Variants in APBA2 observed in about 807,000 individuals in gnomAD.
The protein encoded by APBA2 is amyloid-beta A4 precursor protein-binding family A member 2.
Under a neutral mutation model 75.0 loss-of-function variants are expected in APBA2, and 30 were observed. The ratio of observed to expected loss-of-function variants is 0.40; its 90% confidence interval spans 0.30 to 0.54. The LOEUF (loss-of-function observed/expected upper bound fraction) is 0.54, where lower values mean the gene tolerates loss of function less well. APBA2 is among the 20% of genes least tolerant of loss of function. The probability of loss-of-function intolerance (pLI) is 0.49; values close to 1 mark genes in which losing one functional copy is unlikely to be tolerated. For synonymous variants in APBA2, 444 were observed against 409.6 expected, an observed-to-expected ratio of 1.08 and a Z score of -1.01; for missense variants, 801 against 1,016.1, an observed-to-expected ratio of 0.79 and a Z score of 2.88.
intron 3 of APBA2, among the ~76,000 whole-genome samples, chr15:29,032,388 A>G (rs1352236869): frequency 2.0e-5 from 3 of 152,234 alleles, no homozygotes; most frequent in Non-Finnish European, 2.9e-5. Flanking sequence ...CCGAAGGGGA[A>G]GGTCGGCCCC....
intron 14 of APBA2, among the ~76,000 whole-genome samples, chr15:29,115,085 G>A (rs1343929838): frequency 6.6e-6 from 1 of 151,984 alleles, no homozygotes; most frequent in Non-Finnish European, 1.5e-5. Flanking sequence ...GTGGCCGCAC[G>A]AGGCGGGAGG....
chr15:28,991,589 G>A lies in APBA2; in HGVS notation c.-94-4164G>A, dbSNP rs1028078781. ...ATTACAAGCTTTCCCTCATGAGATG[G>A]CGCTGATCAGTCTGGGGGATACCTG... On this transcript the variant is annotated intron_variant, in intron 2 of 14. Coordinates refer to ENST00000683413, the MANE Select transcript of APBA2 (RefSeq NM_001353788.2). This position sits in a 1 kb window ranked among gnomAD's most constrained non-coding sequence, Gnocchi z 4.7. Among the ~76,000 whole-genome samples the A allele has an allele frequency of 5.9e-5, 9 of 152,184 alleles. No homozygotes were observed. The highest frequency in any genetic ancestry group is 8.8e-5 in the Non-Finnish European group (6 of 68,036).
intron 1 of APBA2, among the ~76,000 whole-genome samples, chr15:28,905,094 G>A (rs1291893917): frequency 2.0e-5 from 3 of 152,190 alleles, no homozygotes; most frequent in Non-Finnish European, 4.4e-5. Flanking sequence ...CTGCACAGGT[G>A]CCTGGGAGTC....
intron 1 of APBA2, among the ~76,000 whole-genome samples, chr15:28,904,386 T>C (rs1285867846): frequency 6.6e-6 from 1 of 152,242 alleles, no homozygotes; most frequent in Non-Finnish European, 1.5e-5. Context: ...TAAATTTGTT[T>C]AGAATGTTTT....
At chr15:28,908,604 A>G (rs139924928) in intron 1 of APBA2, among the ~76,000 whole-genome samples, 7,581 of 151,934 alleles carry the variant, frequency 0.05, 660 homozygotes, top group African/African-American at 0.18. Flanking sequence ...CCACTGCACC[A>G]GGCCCACTGA....
chr15:29,106,470 G>A (rs1413723444), intron 11 of APBA2, 137 bp from the exon 12 acceptor site: 6 of 995,758 alleles, frequency 6.0e-6, no homozygotes, highest in Non-Finnish European at 9.1e-6. Context: ...ACCTCTCCTG[G>A]CTGAGATGAG....
intron 2 of APBA2, among the ~76,000 whole-genome samples, chr15:28,945,630 T>C (rs1231527440): frequency 6.6e-6 from 1 of 151,872 alleles, no homozygotes; most frequent in Non-Finnish European, 1.5e-5. Flanking sequence ...GCGATTCTCC[T>C]GCCTCAGCCT....
chr15:29,042,023 T>C (rs969051981), intron 3 of APBA2, among the ~76,000 whole-genome samples: 9 of 152,198 alleles, frequency 5.9e-5, no homozygotes, highest in African/African-American at 1.9e-4. Context: ...AAGTCCCAGA[T>C]TGAGGTGTCC....
intron 2 of APBA2, among the ~76,000 whole-genome samples, chr15:28,959,195 G>A (rs910357184): frequency 9.2e-5 from 14 of 152,128 alleles, no homozygotes; most frequent in African/African-American, 3.4e-4. Flanking sequence ...CACCATGTTG[G>A]CCAGGACGGT....
rs11639120 is a variant in APBA2, at chr15:29,011,926, C to T, written c.-41+16120C>T. On this transcript the variant is annotated intron_variant, in intron 3 of 14. Coordinates refer to ENST00000683413, the MANE Select transcript of APBA2 (RefSeq NM_001353788.2). ...TCTTTTCCATAAGAATGCTGCTTTT[C>T]GTAAAATCTAGTTTGTCTAATTACC... is the stretch of plus-strand genomic sequence containing the variant. Among the ~76,000 whole-genome samples the T allele has an allele frequency of 2.5e-3, 378 of 152,130 alleles. 1 individual carries two copies. Among genetic ancestry groups the T allele is most frequent in the Non-Finnish European group, 4.3e-3 (291 of 67,984 alleles).
At chr15:28,959,496 G>GT (rs984767728) in intron 2 of APBA2, among the ~76,000 whole-genome samples, 2 of 152,206 alleles carry the variant, frequency 1.3e-5, no homozygotes, top group African/African-American at 4.8e-5. Flanking sequence ...GGATGGCCGT[G>GT]TACATACATG....
intron 14 of APBA2, among the ~76,000 whole-genome samples, chr15:29,116,245 C>T (rs946238373): frequency 1.3e-5 from 2 of 152,122 alleles, no homozygotes; most frequent in Non-Finnish European, 2.9e-5. Context: ...TCACCGATCC[C>T]CAAAGGCTAA....
chr15:29,007,060 A>G (rs2152809294), intron 3 of APBA2, among the ~76,000 whole-genome samples: 1 of 152,362 alleles, frequency 6.6e-6, no homozygotes, highest in East Asian at 1.9e-4. Flanking sequence ...ATAAAGACAG[A>G]CATACAGACG....
At chr15:29,116,895 G>A (rs2152989930) in intron 14 of APBA2, among the ~76,000 whole-genome samples, 167 bp from the exon 15 acceptor site, 1 of 152,336 alleles carries the variant, frequency 6.6e-6, no homozygotes, top group African/African-American at 2.4e-5. Flanking sequence ...CATCTGGAAG[G>A]CATCATAAGT....
At chr15:29,103,910 C>T (rs1181584646) in intron 10 of APBA2, among the ~76,000 whole-genome samples, 1 of 152,210 alleles carries the variant, frequency 6.6e-6, no homozygotes, top group Non-Finnish European at 1.5e-5. Flanking sequence ...ACTCCGCAGG[C>T]CAGCCCGGCG....
intron 3 of APBA2, among the ~76,000 whole-genome samples, chr15:29,032,284 A>G (rs2040527326): frequency 6.6e-6 from 1 of 152,230 alleles, no homozygotes. Flanking sequence ...GGTAAGATGA[A>G]CATAGTAGAC....
intron 3 of APBA2, among the ~76,000 whole-genome samples, chr15:28,998,864 A>G (rs539509384): frequency 2.3e-4 from 35 of 152,354 alleles, no homozygotes; most frequent in Admixed American, 1.0e-3. Context: ...TTAAAGGCCT[A>G]TGCCGGGCAC....
At chr15:28,894,801 G>A (rs913717229) in intron 1 of APBA2, among the ~76,000 whole-genome samples, 17 of 151,810 alleles carry the variant, frequency 1.1e-4, no homozygotes, top group South Asian at 4.2e-4. Flanking sequence ...GAAGGACGCC[G>A]TTAGGGGCAT....
chr15:29,068,013 G>A (rs944395316), intron 4 of APBA2, among the ~76,000 whole-genome samples: 4 of 152,138 alleles, frequency 2.6e-5, no homozygotes, highest in African/African-American at 7.2e-5. Context: ...GTCTAACATC[G>A]ACTTACTACT....
Sources: allele counts gnomAD v4.1 joint callset (sites outside exome capture counted in the v4.1 genomes callset), GRCh38; gene constraint gnomAD v4.1.1; non-coding constraint Gnocchi (gnomAD v3.1); transcripts MANE v1.5; gene names NCBI Gene and HGNC (gene_info 2026-07-23, HGNC 2026-07-21).